Variants in PARD3 observed in about 807,000 individuals in gnomAD.
PARD3 encodes the protein par-3 family cell polarity regulator.
In PARD3, 75 loss-of-function variants were observed where a neutral mutation model predicts 155.4. The observed-to-expected ratio is 0.48, with a 90% CI of 0.40 to 0.58. The LOEUF (loss-of-function observed/expected upper bound fraction) is 0.58, where lower values mean the gene tolerates loss of function less well. Ranked by LOEUF, PARD3 falls within the 20% of genes least tolerant of loss-of-function variation. The pLI is 0.00. For missense variants in PARD3, 1,642 were observed against 1,721.7 expected, an observed-to-expected ratio of 0.95 and a Z score of 0.82; for synonymous variants, 576 against 610.5, an observed-to-expected ratio of 0.94 and a Z score of 0.83.
chr10:34,569,913 G>C (rs1435386527), intron 2 of PARD3, among the ~76,000 whole-genome samples: 1 of 142,114 alleles, frequency 7.0e-6, no homozygotes, highest in Non-Finnish European at 1.5e-5. Flanking sequence ...AAAAAAAACA[G>C]ATTACATTAT....
At chr10:34,690,182 G>A (rs756692669) in intron 2 of PARD3, among the ~76,000 whole-genome samples, 4 of 152,110 alleles carry the variant, frequency 2.6e-5, no homozygotes. Flanking sequence ...GACCTCAAGT[G>A]ATCTGCCCAC....
At chr10:34,129,696 G>T (rs1230315083) in intron 23 of PARD3, among the ~76,000 whole-genome samples, 2 of 51,826 alleles carry the variant, frequency 3.9e-5, no homozygotes, top group Non-Finnish European at 1.1e-4. Flanking sequence ...GTAATGTCAA[G>T]CCTCTTTTTT....
chr10:34,611,828 G>C (rs1288474289), intron 2 of PARD3, among the ~76,000 whole-genome samples: 1 of 34,304 alleles, frequency 2.9e-5, no homozygotes, highest in Non-Finnish European at 6.5e-5. Flanking sequence ...TTTTTTTTTT[G>C]AGGCGGAGTC....
At chr10:34,329,116 G>A (rs1835346478) in intron 19 of PARD3, among the ~76,000 whole-genome samples, 1 of 151,900 alleles carries the variant, frequency 6.6e-6, no homozygotes, top group Non-Finnish European at 1.5e-5. Context: ...TTCTCATTTT[G>A]TTTTTTAAAA....
At chr10:34,799,243 T>C (rs993179940) in intron 1 of PARD3, among the ~76,000 whole-genome samples, 3 of 152,280 alleles carry the variant, frequency 2.0e-5, no homozygotes, top group East Asian at 1.9e-4. Flanking sequence ...GGTTTCACCA[T>C]GTTGGCCAGG....
At chr10:34,159,990 T>C (rs554401758) in intron 22 of PARD3, among the ~76,000 whole-genome samples, 7 of 152,308 alleles carry the variant, frequency 4.6e-5, no homozygotes, top group Admixed American at 4.6e-4. Flanking sequence ...AGCATGTTAA[T>C]AGCATCAAGG....
At chr10:34,599,404 G>C (rs140097276) in intron 2 of PARD3, among the ~76,000 whole-genome samples, 45 of 152,248 alleles carry the variant, frequency 3.0e-4, no homozygotes, top group African/African-American at 9.4e-4. Flanking sequence ...AAATGTATAT[G>C]AACAGTTCAA....
At chr10:34,515,819 T>TTATATATATAAAAAAA (rs1564798947) in intron 3 of PARD3, among the ~76,000 whole-genome samples, 1 of 151,860 alleles carries the variant, frequency 6.6e-6, no homozygotes, top group Non-Finnish European at 1.5e-5. Context: ...TGTATCTTAA[T>TTATATATATAAAAAAA]TATATATATA....
At chr10:34,595,873 T>C in intron 2 of PARD3, among the ~76,000 whole-genome samples, 1 of 152,170 alleles carries the variant, frequency 6.6e-6, no homozygotes, top group Non-Finnish European at 1.5e-5. Flanking sequence ...ACACCTGTAA[T>C]CCCAGCACTT....
intron 1 of PARD3, among the ~76,000 whole-genome samples, chr10:34,730,885 G>A (rs72783649): frequency 0.021 from 3,175 of 152,224 alleles, 49 homozygotes; most frequent in Non-Finnish European, 0.029. Context: ...CTTAATGAGC[G>A]CATACACACA....
chr10:34,750,761 T>C (rs529933747), intron 1 of PARD3, among the ~76,000 whole-genome samples: 2 of 151,636 alleles, frequency 1.3e-5, no homozygotes, highest in African/African-American at 4.8e-5. Context: ...CGATCTTGGC[T>C]CATTGCAACC....
chr10:34,572,720 T>G (rs552961120), intron 2 of PARD3, among the ~76,000 whole-genome samples: 1 of 152,054 alleles, frequency 6.6e-6, no homozygotes, highest in Admixed American at 6.5e-5. Context: ...AGTTAATTTT[T>G]GACTGATCAG....
At chr10:34,459,662 C>T (rs142527321) in intron 4 of PARD3, among the ~76,000 whole-genome samples, 6 of 152,056 alleles carry the variant, frequency 3.9e-5, no homozygotes, top group Non-Finnish European at 7.3e-5. Flanking sequence ...CAGTCTTATA[C>T]ATTATTTAGA....
chr10:34,122,113 CCA>C (rs1947038221), intron 23 of PARD3, among the ~76,000 whole-genome samples: 1 of 152,166 alleles, frequency 6.6e-6, no homozygotes, highest in African/African-American at 2.4e-5. Flanking sequence ...CTCAAAAGAA[CCA>C]CATTTTCCTT....
intron 15 of PARD3, chr10:34,346,514 ACTCT>A (rs890406436): frequency 1.6e-5 from 21 of 1,313,476 alleles, no homozygotes; most frequent in Middle Eastern, 4.3e-4. Flanking sequence ...ACACATGCAC[ACTCT>A]CTCTCTCTCA....
At chr10:34,796,157 C>T (rs1215558810) in intron 1 of PARD3, among the ~76,000 whole-genome samples, 1 of 152,090 alleles carries the variant, frequency 6.6e-6, no homozygotes, top group Non-Finnish European at 1.5e-5. Flanking sequence ...GTACAATAAA[C>T]TATGAACCTG....
At chr10:34,804,613 T>C (rs1039931054) in intron 1 of PARD3, among the ~76,000 whole-genome samples, 2 of 152,256 alleles carry the variant, frequency 1.3e-5, no homozygotes, top group African/African-American at 4.8e-5. Flanking sequence ...TTCAGCATTA[T>C]AAATGACACA....
At chr10:34,364,366 A>T (rs1839758433) in intron 12 of PARD3, among the ~76,000 whole-genome samples, 1 of 152,124 alleles carries the variant, frequency 6.6e-6, no homozygotes, top group Non-Finnish European at 1.5e-5. Context: ...ACTCAGCAAA[A>T]GTTTCATCAC....
intron 2 of PARD3, among the ~76,000 whole-genome samples, chr10:34,665,086 A>G (rs2093417854): frequency 6.6e-6 from 1 of 152,136 alleles, no homozygotes; most frequent in Non-Finnish European, 1.5e-5. Context: ...CACAATTACA[A>G]AGTTTTTTTT....
Sources: gnomAD v4.1 joint callset for allele counts (sites outside exome capture counted in the v4.1 genomes callset) on GRCh38, gnomAD v4.1.1 for gene constraint, MANE v1.5 for transcripts, NCBI Gene and HGNC (gene_info 2026-07-23, HGNC 2026-07-21) for gene names.